The following ABCG1 variants were observed in gnomAD, a reference collection of about 807,000 sequenced individuals.
The protein encoded by ABCG1 is ATP-binding cassette sub-family G member 1.
In ABCG1, 29 loss-of-function variants were observed where a neutral mutation model predicts 69.2. The ratio of observed to expected loss-of-function variants is 0.42; its 90% confidence interval spans 0.31 to 0.57. ABCG1 has a LOEUF of 0.57. Ranked by LOEUF, ABCG1 falls within the 20% of genes least tolerant of loss-of-function variation. The probability of loss-of-function intolerance (pLI) is 0.15; values close to 1 mark genes in which losing one functional copy is unlikely to be tolerated. For missense variants in ABCG1, 718 were observed against 898.1 expected (o/e 0.80, Z 2.56); for synonymous variants, 370 against 374.8 (o/e 0.99, Z 0.15).
chr21:42,204,490 A>T (rs1163461404), intron 2 of ABCG1, among the ~76,000 whole-genome samples: 1 of 152,238 alleles, frequency 6.6e-6, no homozygotes, highest in Non-Finnish European at 1.5e-5. Context: ...ATCAATTGGC[A>T]TGATCATGTG....
intron 2 of ABCG1, among the ~76,000 whole-genome samples, chr21:42,231,977 T>A (rs1044769355): frequency 6.6e-6 from 1 of 152,158 alleles, no homozygotes; most frequent in Non-Finnish European, 1.5e-5. Flanking sequence ...AGAGTCTGCC[T>A]TGGAGAATTC....
At position 42,284,421 on chromosome 21, in the gene ABCG1, C is replaced by T. The variant is rs556103839; in HGVS notation, c.735-139C>T. ...CAAAACAAACAGCAAGAGCAGAGCC[C>T]GGCCTGGGACGGGGCAGCTGCAGCT... On this transcript the variant is annotated intron_variant, in intron 6 of 14. Transcript: ENST00000398449. 1,354 of 1,057,568 alleles carry T rather than the reference C, an allele frequency of 1.3e-3. 3 individuals are homozygous for T. Among genetic ancestry groups the T allele is most frequent in the Non-Finnish European group, 1.7e-3 (1,274 of 747,688 alleles). 65.5% of individuals were successfully genotyped at this position (1,057,568 alleles called of 1,614,324 possible).
chr21:42,290,767 G>A (rs770555382), intron 11 of ABCG1, among the ~76,000 whole-genome samples: 2 of 152,164 alleles, frequency 1.3e-5, no homozygotes, highest in Non-Finnish European at 2.9e-5. Flanking sequence ...CTCACAGGAA[G>A]GCACCACGTT....
At chr21:42,245,435 C>G (rs1483938082) in intron 2 of ABCG1, among the ~76,000 whole-genome samples, 1 of 152,230 alleles carries the variant, frequency 6.6e-6, no homozygotes, top group African/African-American at 2.4e-5. Flanking sequence ...AAAGCAGCAT[C>G]TTAAGCCCGG....
chr21:42,248,801 G>C (rs780343586), intron 2 of ABCG1, among the ~76,000 whole-genome samples: 1 of 151,784 alleles, frequency 6.6e-6, no homozygotes, highest in Non-Finnish European at 1.5e-5. Context: ...CAGTTACTTG[G>C]GGGGCTGAGG....
At chr21:42,204,144 G>A (rs577854984) in intron 2 of ABCG1, among the ~76,000 whole-genome samples, 35 of 152,172 alleles carry the variant, frequency 2.3e-4, no homozygotes, top group Admixed American at 4.6e-4. Context: ...TGCTTTTGTG[G>A]ATAGATTGGG....
chr21:42,288,317 G>C lies in ABCG1; in HGVS notation c.1224+5G>C. The C allele has an allele frequency of 6.3e-7, 1 of 1,588,060 alleles. No homozygotes were observed. The highest frequency in any genetic ancestry group is 1.1e-5 in the South Asian group (1 of 90,326). ...CTCAGCATCATGAGGGACTCGGTAA[G>C]GCTGCCCGCATCTTCTCCTGTAGCT... is the stretch of plus-strand genomic sequence containing the variant. On this transcript the variant is annotated splice_donor_5th_base_variant and intron_variant, in intron 10 of 14. Coordinates refer to ENST00000398449, the MANE Select transcript of ABCG1 (RefSeq NM_016818.3). This position sits in a 1 kb window ranked among gnomAD's most constrained non-coding sequence, Gnocchi z 4.8.
exon 2 of ABCG1, chr21:42,201,621 C>A (rs576464702): frequency 4.2e-4 from 658 of 1,572,388 alleles, no homozygotes; most frequent in Non-Finnish European, 5.4e-4. Flanking sequence ...TAAGATTCAG[C>A]CCCGTGCTCA....
chr21:42,220,555 T>C (rs2123499269), intron 1 of ABCG1, among the ~76,000 whole-genome samples: 1 of 152,322 alleles, frequency 6.6e-6, no homozygotes, highest in African/African-American at 2.4e-5. Flanking sequence ...AACGATAGAA[T>C]GGGGCCGCAG....
At position 42,232,390 on chromosome 21, in the gene ABCG1, G is replaced by A. The variant is rs570363812; in HGVS notation, c.286+6476G>A. Among the ~76,000 whole-genome samples, 29 of 152,328 alleles carry A rather than the reference G, an allele frequency of 1.9e-4. No homozygotes were observed. In the South Asian group the frequency reaches 5.2e-3, roughly 27 times the overall value. ...TGGGTGTGTGACTCCTTAGTGTGGCGTTGTTAGCGGTGGCAGCCTCCCTGG... is the reference window on the plus strand; with the variant it reads ...TGGGTGTGTGACTCCTTAGTGTGGCATTGTTAGCGGTGGCAGCCTCCCTGG... On this transcript the variant is annotated intron_variant, in intron 2 of 14. Transcript: ENST00000398449.
At position 42,219,940 on chromosome 21, in the gene ABCG1, G is replaced by T. The variant is rs748984073; in HGVS notation, c.42+636G>T. The T allele has an allele frequency of 5.2e-6, 8 of 1,551,018 alleles. No individual in the cohort carries two copies. The highest frequency in any genetic ancestry group is 2.4e-5 in the South Asian group (2 of 84,058). ...ATTCCTGCCGGCCGCCTTTCTGCGCGCGCCGGAGAGAGAGACGCGGTGGGG... is the reference window on the plus strand; with the variant it reads ...ATTCCTGCCGGCCGCCTTTCTGCGCTCGCCGGAGAGAGAGACGCGGTGGGG... On this transcript the variant is annotated intron_variant, in intron 1 of 14. Coordinates refer to ENST00000398449, the MANE Select transcript of ABCG1 (RefSeq NM_016818.3). This position sits in a 1 kb window ranked among gnomAD's most constrained non-coding sequence, Gnocchi z 5.3.
At chr21:42,216,135 A>G, upstream of ABCG1, 1 of 452,250 alleles carries the variant, frequency 2.2e-6, no homozygotes, top group South Asian at 1.6e-5. Context: ...GCCATGTGAG[A>G]CATGCCTTTC....
At chr21:42,217,632 G>A (rs1415757829), upstream of ABCG1, among the ~76,000 whole-genome samples, 3 of 144,716 alleles carry the variant, frequency 2.1e-5, no homozygotes, top group African/African-American at 7.7e-5. Flanking sequence ...ACAGCAGTCA[G>A]ATTTCCTCAT....
At chr21:42,210,673 A>G (rs2067579741) in intron 2 of ABCG1, among the ~76,000 whole-genome samples, 1 of 152,118 alleles carries the variant, frequency 6.6e-6, no homozygotes, top group Non-Finnish European at 1.5e-5. Flanking sequence ...ACCATCTCTC[A>G]TCATCTGTCT....
chr21:42,232,878 T>G (rs1336186138), intron 2 of ABCG1, among the ~76,000 whole-genome samples: 1 of 152,230 alleles, frequency 6.6e-6, no homozygotes, highest in Non-Finnish European at 1.5e-5. Context: ...CTTTCTGAGT[T>G]CAGTTCTAGA....
chr21:42,227,881 G>A (rs2067842191), intron 2 of ABCG1, among the ~76,000 whole-genome samples: 1 of 152,022 alleles, frequency 6.6e-6, no homozygotes, highest in Non-Finnish European at 1.5e-5. Context: ...CACACATTTA[G>A]AACATTAGAT....
chr21:42,207,074 GT>G (rs1250567980), intron 2 of ABCG1: 1 of 152,028 alleles, frequency 6.6e-6, no homozygotes. Flanking sequence ...TCTTGGTATA[GT>G]TTTATTTGGG....
rs1249011173 is a variant in ABCG1, at chr21:42,237,873, A to G, written c.286+11959A>G. ...TGGCTGGGGAATGGTAAGAGCCTGG[A>G]TTCTGGGTCAAGCAGCCTACTCTTG... On this transcript the variant is annotated intron_variant, in intron 2 of 14. Transcript: ENST00000398449. 3.9e-5 allele frequency among the ~76,000 whole-genome samples: 6 copies of G among 152,074 alleles called. No individual in the cohort carries two copies. In the East Asian group the frequency reaches 1.2e-3, roughly 29 times the overall value.
intron 6 of ABCG1, among the ~76,000 whole-genome samples, chr21:42,282,988 G>A (rs3788006): frequency 0.23 from 35,178 of 152,076 alleles, 4,334 homozygotes; most frequent in South Asian, 0.3. Context: ...GGCTCCCTGC[G>A]GAATCACTAC....
Sources: allele counts gnomAD v4.1 joint callset (sites outside exome capture counted in the v4.1 genomes callset), GRCh38; gene constraint gnomAD v4.1.1; non-coding constraint Gnocchi (gnomAD v3.1); transcripts MANE v1.5; gene names NCBI Gene and HGNC (gene_info 2026-07-23, HGNC 2026-07-21).